LRMDA: variants seen among roughly 807,000 people sequenced by gnomAD.
LRMDA encodes the protein leucine rich melanocyte differentiation associated.
A neutral mutation model predicts 29.8 loss-of-function variants in LRMDA; 18 were observed. That is an observed-to-expected ratio of 0.60 (90% CI 0.42 to 0.90). The LOEUF (loss-of-function observed/expected upper bound fraction) is 0.90, where lower values mean the gene tolerates loss of function less well. Among genes scored for constraint, LRMDA ranks in the 40% least tolerant of loss-of-function variants. LRMDA has a pLI of 0.00. For missense variants in LRMDA, 273 were observed against 273.9 expected, an observed-to-expected ratio of 1.00 and a Z score of 0.02; for synonymous variants, 125 against 109.4, an observed-to-expected ratio of 1.14 and a Z score of -0.89.
intron 2 of LRMDA, among the ~76,000 whole-genome samples, chr10:75,646,069 C>A (rs991185531): frequency 6.6e-6 from 1 of 150,914 alleles, no homozygotes; most frequent in Non-Finnish European, 1.5e-5. Context: ...CCCATTCTTT[C>A]TTGGGTCTTC....
intron 2 of LRMDA, among the ~76,000 whole-genome samples, chr10:75,631,405 C>G (rs540159628): frequency 5.3e-5 from 8 of 151,870 alleles, no homozygotes; most frequent in Admixed American, 2.0e-4. Context: ...CTCACTGCAC[C>G]CCCCCCGCCC....
intron 5 of LRMDA, among the ~76,000 whole-genome samples, chr10:76,314,259 T>C (rs1840664424): frequency 1.3e-5 from 2 of 152,162 alleles, no homozygotes; most frequent in South Asian, 4.1e-4. Flanking sequence ...TTTTAAGAAA[T>C]GGAATTTTGC....
At chr10:76,332,075 G>C (rs1276358212) in intron 6 of LRMDA, among the ~76,000 whole-genome samples, 2 of 152,196 alleles carry the variant, frequency 1.3e-5, no homozygotes, top group South Asian at 2.1e-4. Flanking sequence ...TCATCTCCTT[G>C]CTACTTTGCA....
intron 2 of LRMDA, among the ~76,000 whole-genome samples, chr10:75,449,397 G>A (rs548344883): frequency 2.0e-5 from 3 of 152,202 alleles, no homozygotes; most frequent in East Asian, 1.9e-4. Flanking sequence ...TGGCCCCAGT[G>A]GTCTGACTTC....
At chr10:76,397,748 C>T (rs1841802155) in intron 6 of LRMDA, among the ~76,000 whole-genome samples, 1 of 152,188 alleles carries the variant, frequency 6.6e-6, no homozygotes, top group Non-Finnish European at 1.5e-5. Context: ...AACAGTTCCC[C>T]TGCAGGATGT....
chr10:75,579,020 G>C (rs978685099), intron 2 of LRMDA, among the ~76,000 whole-genome samples: 1 of 152,196 alleles, frequency 6.6e-6, no homozygotes, highest in South Asian at 2.1e-4. Flanking sequence ...AGAAGCAGGA[G>C]CAAACAAATT....
intron 5 of LRMDA, among the ~76,000 whole-genome samples, chr10:76,187,113 G>A (rs1212758249): frequency 6.6e-6 from 1 of 152,064 alleles, no homozygotes; most frequent in Non-Finnish European, 1.5e-5. Flanking sequence ...GCCCATCCAG[G>A]AAGGCCGTCA....
intron 5 of LRMDA, among the ~76,000 whole-genome samples, chr10:76,224,502 G>C (rs1171006082): frequency 6.6e-6 from 1 of 151,948 alleles, no homozygotes; most frequent in Non-Finnish European, 1.5e-5. Flanking sequence ...AGCCTGGGAA[G>C]TTGAGGCTGC....
At chr10:76,078,821 C>T (rs779855585) in intron 5 of LRMDA, among the ~76,000 whole-genome samples, 5 of 152,098 alleles carry the variant, frequency 3.3e-5, no homozygotes, top group Non-Finnish European at 5.9e-5. Flanking sequence ...GGCGACAGAG[C>T]GAGATTCTGT....
intron 6 of LRMDA, among the ~76,000 whole-genome samples, chr10:76,335,522 C>T (rs1270594445): frequency 6.6e-6 from 1 of 152,186 alleles, no homozygotes; most frequent in Non-Finnish European, 1.5e-5. Flanking sequence ...GCCTGTGACA[C>T]AGCCTCAGGA....
chr10:76,112,642 C>T (rs1849599847), intron 5 of LRMDA, among the ~76,000 whole-genome samples: 1 of 152,214 alleles, frequency 6.6e-6, no homozygotes, highest in South Asian at 2.1e-4. Flanking sequence ...TTCTTCTGGG[C>T]ATGTGGGCTT....
At chr10:76,518,608 A>G (rs2132358606) in intron 6 of LRMDA, among the ~76,000 whole-genome samples, 1 of 152,306 alleles carries the variant, frequency 6.6e-6, no homozygotes, top group East Asian at 1.9e-4. Flanking sequence ...ATATTATGTC[A>G]ATTATAAGAG....
intron 6 of LRMDA, among the ~76,000 whole-genome samples, chr10:76,491,302 C>G (rs1842831569): frequency 6.6e-6 from 1 of 151,854 alleles, no homozygotes; most frequent in Non-Finnish European, 1.5e-5. Flanking sequence ...TCTTACTGTT[C>G]TTTAACAGCC....
rs79109703 is a variant in LRMDA, at chr10:75,453,794, T to A, written c.131+15300T>A. Among the ~76,000 whole-genome samples the A allele has an allele frequency of 8.7e-3, 1,324 of 152,324 alleles. 20 individuals are homozygous for A. The highest frequency in any genetic ancestry group is 0.031 in the African/African-American group (1,275 of 41,568). On this transcript the variant is annotated intron_variant, in intron 2 of 6. Coordinates refer to ENST00000611255, the MANE Select transcript of LRMDA (RefSeq NM_001305581.2). ...TGGGCATTGCCCACTCGCTCGCATG[T>A]CATATGTAGGGGTACAAAGTTGTGA...
intron 6 of LRMDA, among the ~76,000 whole-genome samples, chr10:76,417,252 T>C (rs1353928343): frequency 6.6e-6 from 1 of 152,206 alleles, no homozygotes; most frequent in Admixed American, 6.5e-5. Flanking sequence ...TGCTGAAATT[T>C]CTCTTTTATA....
chr10:76,132,356 C>T lies in LRMDA; in HGVS notation c.516+73573C>T, dbSNP rs115215428. The stretch of plus-strand genomic sequence containing the variant: ...GGGACTGATGCCTGGCTATTAGGAT[C>T]GAGTCTTCTTAGATGTCAGCTCATT... On this transcript the variant is annotated intron_variant, in intron 5 of 6. Coordinates refer to ENST00000611255, the MANE Select transcript of LRMDA (RefSeq NM_001305581.2). Among the ~76,000 whole-genome samples, 1,458 of 152,064 alleles carry T rather than the reference C, an allele frequency of 9.6e-3. 22 individuals carry two copies. Among genetic ancestry groups the T allele is most frequent in the African/African-American group, 0.032 (1,345 of 41,484 alleles).
At position 76,557,822 on chromosome 10, in the gene LRMDA, T is replaced by C. The variant is rs1011170936; in HGVS notation, c.*534T>C. 6.5e-6 allele frequency: 1 copy of C among 153,006 alleles called. No individual in the cohort carries two copies. Among genetic ancestry groups the C allele is most frequent in the African/African-American group, 2.4e-5 (1 of 41,478 alleles). 9.5% of individuals were successfully genotyped at this position (153,006 alleles called of 1,614,324 possible). A position where few individuals can be genotyped will look rare whatever the true frequency, so the allele number is the denominator to read the frequency against. On this transcript the variant is annotated 3_prime_UTR_variant, in exon 7 of 7. Coordinates refer to ENST00000611255, the MANE Select transcript of LRMDA (RefSeq NM_001305581.2). ...TAACGTCCTGTATTCTGCATATACA[T>C]AGCTCCCGTCTCTTCCCCTCCACCT...
intron 2 of LRMDA, among the ~76,000 whole-genome samples, chr10:75,526,180 C>A (rs2132040025): frequency 6.6e-6 from 1 of 152,126 alleles, no homozygotes; most frequent in African/African-American, 2.4e-5. Flanking sequence ...ATCCTCCTGC[C>A]TCAGCCTCCA....
chr10:75,445,180 G>A (rs1214535745), intron 2 of LRMDA, among the ~76,000 whole-genome samples: 1 of 152,172 alleles, frequency 6.6e-6, no homozygotes, highest in Non-Finnish European at 1.5e-5. Flanking sequence ...CTGGGCTGAA[G>A]TGATCCTCTA....
Sources: gnomAD v4.1 joint callset for allele counts (sites outside exome capture counted in the v4.1 genomes callset) on GRCh38, gnomAD v4.1.1 for gene constraint, MANE v1.5 for transcripts, NCBI Gene and HGNC (gene_info 2026-07-23, HGNC 2026-07-21) for gene names.